Variants in SEPHS1 observed in about 807,000 individuals in gnomAD.
SEPHS1 encodes the protein selenophosphate synthetase 1.
In SEPHS1, 7 loss-of-function variants were observed where a neutral mutation model predicts 39.2. That is an observed-to-expected ratio of 0.18 (90% CI 0.10 to 0.34). The LOEUF (loss-of-function observed/expected upper bound fraction) is 0.34, where lower values mean the gene tolerates loss of function less well. Among genes scored for constraint, SEPHS1 ranks in the 10% least tolerant of loss-of-function variants. The pLI is 1.00. For synonymous variants in SEPHS1, 190 were observed against 195.5 expected (o/e 0.97, Z 0.23); for missense variants, 253 against 514.5 (o/e 0.49, Z 4.92).
At chr10:13,334,368 C>G (rs1278103778) in intron 4 of SEPHS1, among the ~76,000 whole-genome samples, 1 of 152,034 alleles carries the variant, frequency 6.6e-6, no homozygotes, top group Non-Finnish European at 1.5e-5. Flanking sequence ...TGGTGAAACC[C>G]CGTCTCTACT....
intron 4 of SEPHS1, among the ~76,000 whole-genome samples, chr10:13,334,207 G>C (rs769239995): frequency 6.6e-6 from 1 of 152,088 alleles, no homozygotes; most frequent in Non-Finnish European, 1.5e-5. Context: ...AGACCAGTCT[G>C]GGCAATGCAG....
chr10:13,342,298 C>A (rs546959234), intron 2 of SEPHS1, among the ~76,000 whole-genome samples: 24 of 136,424 alleles, frequency 1.8e-4, no homozygotes, highest in Non-Finnish European at 3.3e-4. Context: ...AATAAACATA[C>A]AGCCGGGTGC....
At chr10:13,322,697 C>A in intron 8 of SEPHS1, 138 bp downstream of exon 8, 1 of 765,744 alleles carries the variant, frequency 1.3e-6, no homozygotes, top group Non-Finnish European at 2.1e-6. Flanking sequence ...GGAAAGGCAC[C>A]AGCTGCTGCG....
rs1833882742 is a variant in SEPHS1 at position 13,344,904 on chromosome 10, T to C, written c.47A>G (p.Lys16Arg). Reference sequence around the variant, plus strand: ...AGTGAATCTGGTTAGCCGGAAGCTTTTGTCCAATTCGTAACTTTCCGGGTT... The same window carrying C: ...AGTGAATCTGGTTAGCCGGAAGCTTCTGTCCAATTCGTAACTTTCCGGGTT... The part of the protein sequence containing the change: ...SFNPESYELD[K>R]SFRLTRFTEL... The change falls in exon 2 of 9, where the codon AAA (lysine) becomes AGA (arginine). Residue 16 changes from lysine to arginine, a missense_variant. By Grantham distance (26) the Lys-to-Arg change is conservative. Coordinates refer to ENST00000327347, the MANE Select transcript of SEPHS1 (RefSeq NM_012247.5). The C allele has an allele frequency of 1.2e-6, 2 of 1,600,304 alleles. No individual in the cohort carries two copies. Among genetic ancestry groups the C allele is most frequent in the East Asian group, 4.5e-5 (2 of 44,128 alleles).
chr10:13,341,823 G>A (rs1017237320), intron 2 of SEPHS1, among the ~76,000 whole-genome samples: 2 of 151,730 alleles, frequency 1.3e-5, no homozygotes, highest in Non-Finnish European at 2.9e-5. Context: ...GCTGGGTGTG[G>A]TGGTGCACGT....
chr10:13,317,701 A>G lies in SEPHS1; in HGVS notation c.*1441T>C, dbSNP rs1227388340. On this transcript the variant is annotated 3_prime_UTR_variant, in exon 9 of 9. Transcript: ENST00000327347. ...CCAGGGGTCATTTCCTTTGGCAAGA[A>G]GTCAGTTTACATGTGCAGCTTTGGT... The G allele has an allele frequency of 2.0e-5, 3 of 152,198 alleles. No individual in the cohort carries two copies. Among genetic ancestry groups the G allele is most frequent in the Admixed American group, 1.3e-4 (2 of 15,268 alleles). The allele number at this position is 152,198 out of a possible 1,614,324, so 9.4% of individuals were successfully genotyped here.
intron 7 of SEPHS1, among the ~76,000 whole-genome samples, chr10:13,327,036 G>A (rs534534673): frequency 5.3e-5 from 8 of 151,710 alleles, no homozygotes; most frequent in Non-Finnish European, 1.0e-4. Flanking sequence ...TCAGGAGTTC[G>A]AGACCAGCCT....
chr10:13,346,578 A>G (rs10752299), intron 1 of SEPHS1, among the ~76,000 whole-genome samples: 62,283 of 152,004 alleles, frequency 0.41, 14,467 homozygotes, highest in East Asian at 0.69. Flanking sequence ...GCAAGTGACA[A>G]GAGACGAGAA....
intron 7 of SEPHS1, among the ~76,000 whole-genome samples, chr10:13,326,982 A>G (rs1833318013): frequency 6.6e-6 from 1 of 152,194 alleles, no homozygotes; most frequent in Non-Finnish European, 1.5e-5. Flanking sequence ...TCACGCCTAT[A>G]ATCCTAGCAC....
At chr10:13,335,325 G>C (rs1166096261) in intron 4 of SEPHS1, among the ~76,000 whole-genome samples, 3 of 152,192 alleles carry the variant, frequency 2.0e-5, no homozygotes, top group Admixed American at 6.5e-5. Context: ...GTAAGGCTGT[G>C]CCTGATTCAC....
At chr10:13,346,883 G>C (rs1246056668) in intron 1 of SEPHS1, among the ~76,000 whole-genome samples, 1 of 152,082 alleles carries the variant, frequency 6.6e-6, no homozygotes, top group Non-Finnish European at 1.5e-5. Flanking sequence ...GTGGAAAAAA[G>C]TTTAAAACAC....
intron 7 of SEPHS1, among the ~76,000 whole-genome samples, chr10:13,323,735 ATTTC>A (rs759725882): frequency 7.2e-4 from 109 of 151,236 alleles, no homozygotes; most frequent in South Asian, 1.7e-3. Context: ...TTATTTTTAA[ATTTC>A]TTTCTTTTTT....
At chr10:13,334,828 A>G (rs539029631) in intron 4 of SEPHS1, among the ~76,000 whole-genome samples, 3 of 152,364 alleles carry the variant, frequency 2.0e-5, no homozygotes, top group Admixed American at 2.0e-4. Context: ...CATTGTCTGG[A>G]CTCAGTGCAC....
chr10:13,322,743 TG>T, intron 8 of SEPHS1, 91 bp downstream of exon 8: 2 of 1,203,820 alleles, frequency 1.7e-6, no homozygotes, highest in Non-Finnish European at 2.4e-6. Flanking sequence ...TCGAACAGAG[TG>T]GGGGCCCACT....
chr10:13,340,278 A>C (rs1408312199), intron 2 of SEPHS1, among the ~76,000 whole-genome samples: 1 of 151,922 alleles, frequency 6.6e-6, no homozygotes, highest in African/African-American at 2.4e-5. Flanking sequence ...CTAGATAACA[A>C]AGCAGAAACT....
At chr10:13,339,232 G>A (rs1350942865) in intron 2 of SEPHS1, among the ~76,000 whole-genome samples, 2 of 152,004 alleles carry the variant, frequency 1.3e-5, no homozygotes, top group East Asian at 1.9e-4. Flanking sequence ...AGACATTATC[G>A]TATTGTCCCA....
intron 2 of SEPHS1, among the ~76,000 whole-genome samples, chr10:13,339,016 T>C (rs1443183482): frequency 6.6e-6 from 1 of 152,238 alleles, no homozygotes. Context: ...ATGAAAATGT[T>C]ACTCATCAAG....
intron 8 of SEPHS1, among the ~76,000 whole-genome samples, chr10:13,321,052 T>G (rs534344889): frequency 1.3e-5 from 2 of 152,022 alleles, no homozygotes; most frequent in African/African-American, 4.8e-5. Flanking sequence ...ATAAAGGCGG[T>G]GAGAGGCCTG....
intron 2 of SEPHS1, among the ~76,000 whole-genome samples, chr10:13,340,391 G>A (rs985849687): frequency 7.9e-5 from 12 of 152,120 alleles, no homozygotes; most frequent in African/African-American, 2.2e-4. Context: ...AGAGGAGAAC[G>A]TGTGAGATAA....
Sources: allele counts gnomAD v4.1 joint callset (sites outside exome capture counted in the v4.1 genomes callset), GRCh38; gene constraint gnomAD v4.1.1; transcripts MANE v1.5; gene names NCBI Gene and HGNC (gene_info 2026-07-23, HGNC 2026-07-21).